The following COL26A1 variants were observed in gnomAD, a reference collection of about 807,000 sequenced individuals.
The protein encoded by COL26A1 is collagen alpha-1(XXVI) chain.
Under a neutral mutation model 59.3 loss-of-function variants are expected in COL26A1, and 41 were observed. The observed-to-expected ratio is 0.69, with a 90% CI of 0.54 to 0.90. COL26A1 has a LOEUF of 0.90. Ranked by LOEUF, COL26A1 falls within the 40% of genes least tolerant of loss-of-function variation. The pLI is 0.00. For missense variants in COL26A1, 612 were observed against 602.3 expected (o/e 1.02, Z -0.17); for synonymous variants, 266 against 256.0 (o/e 1.04, Z -0.37).
At chr7:101,449,089 C>T (rs552292815) in intron 3 of COL26A1, among the ~76,000 whole-genome samples, 8 of 152,320 alleles carry the variant, frequency 5.3e-5, no homozygotes, top group Admixed American at 3.9e-4. Context: ...GTGCCTGATG[C>T]TGGCAGGGGA....
chr7:101,363,028 G>T lies in COL26A1; in HGVS notation c.-5G>T. The T allele has an allele frequency of 6.4e-7, 1 of 1,573,786 alleles. No homozygotes were observed. The highest frequency in any genetic ancestry group is 8.6e-7 in the Non-Finnish European group (1 of 1,169,552). ...ACTCCGGGTCCCCGCGGGCTGCTGC[G>T]CACGATGAAGCTGGCCCTGCTCCTG... On this transcript the variant is annotated 5_prime_UTR_variant, in exon 1 of 13. Transcript: ENST00000313669.
intron 1 of COL26A1, among the ~76,000 whole-genome samples, chr7:101,387,774 A>ATTTTTTTT (rs1185449488): frequency 2.0e-5 from 1 of 48,902 alleles, no homozygotes; most frequent in Non-Finnish European, 4.1e-5. Context: ...ATATATATAT[A>ATTTTTTTT]TATATTTTTT....
upstream of COL26A1, chr7:101,362,795 C>A: frequency 1.9e-6 from 1 of 532,132 alleles, no homozygotes; most frequent in Non-Finnish European, 3.3e-6. Flanking sequence ...CGAGGGTTAA[C>A]AAAAAAGCCC....
At chr7:101,552,609 C>T (rs956010861) in intron 10 of COL26A1, among the ~76,000 whole-genome samples, 1 of 151,772 alleles carries the variant, frequency 6.6e-6, no homozygotes, top group African/African-American at 2.4e-5. Flanking sequence ...AGAGCAAGAC[C>T]CTGTCTCAAA....
intron 3 of COL26A1, among the ~76,000 whole-genome samples, chr7:101,522,622 T>C (rs1376150739): frequency 6.6e-6 from 1 of 152,112 alleles, no homozygotes; most frequent in Non-Finnish European, 1.5e-5. Context: ...GATGCTGAAG[T>C]TTATTATATC....
chr7:101,426,142 T>C (rs1329643760), intron 2 of COL26A1, among the ~76,000 whole-genome samples: 1 of 152,072 alleles, frequency 6.6e-6, no homozygotes, highest in Non-Finnish European at 1.5e-5. Context: ...TTTTTTAGCA[T>C]AGTTTTTCAG....
At chr7:101,398,628 G>T (rs1344997982) in intron 1 of COL26A1, among the ~76,000 whole-genome samples, 1 of 152,064 alleles carries the variant, frequency 6.6e-6, no homozygotes, top group Admixed American at 6.6e-5. Flanking sequence ...GTGTGCTTCC[G>T]TGAGCCAGAC....
chr7:101,397,554 TG>T (rs1791890524), intron 1 of COL26A1, among the ~76,000 whole-genome samples: 1 of 147,026 alleles, frequency 6.8e-6, no homozygotes. Flanking sequence ...TTTTTTTTTT[TG>T]AGACAGGGTC....
At chr7:101,376,596 C>T (rs1354646569) in intron 1 of COL26A1, among the ~76,000 whole-genome samples, 1 of 152,120 alleles carries the variant, frequency 6.6e-6, no homozygotes, top group African/African-American at 2.4e-5. Context: ...GCTGAGCCCA[C>T]CCTTGCTGCT....
intron 1 of COL26A1, among the ~76,000 whole-genome samples, chr7:101,400,353 ATTTTTTTTTTTTTT>A (rs574852983): frequency 1.0e-5 from 1 of 97,256 alleles, no homozygotes; most frequent in Admixed American, 1.2e-4. Context: ...TTTTTTTCCT[ATTTTTTTTTTTTTT>A]TTTTTTTTTT....
chr7:101,545,677 C>T (rs773568906), intron 7 of COL26A1, among the ~76,000 whole-genome samples, 187 bp downstream of exon 7: 2 of 152,204 alleles, frequency 1.3e-5, no homozygotes, highest in Admixed American at 6.5e-5. Flanking sequence ...CTGCCAGTGA[C>T]GATGACAGGG....
At chr7:101,530,698 C>T (rs1005576622) in intron 3 of COL26A1, among the ~76,000 whole-genome samples, 1 of 151,468 alleles carries the variant, frequency 6.6e-6, no homozygotes, top group Non-Finnish European at 1.5e-5. Flanking sequence ...TCCCAAATGT[C>T]AGCGTCGGTG....
At chr7:101,503,651 G>A (rs539444563) in intron 3 of COL26A1, among the ~76,000 whole-genome samples, 1 of 152,352 alleles carries the variant, frequency 6.6e-6, no homozygotes, top group East Asian at 1.9e-4. Context: ...CAAAGTGCTG[G>A]GATTACAGGC....
intron 11 of COL26A1, among the ~76,000 whole-genome samples, chr7:101,553,795 G>T (rs781620817): frequency 6.6e-6 from 1 of 152,206 alleles, no homozygotes; most frequent in Non-Finnish European, 1.5e-5. Context: ...GACTGAAGGG[G>T]ACAGGGCTGC....
chr7:101,513,502 T>A (rs1584476780), intron 3 of COL26A1, among the ~76,000 whole-genome samples: 1 of 151,384 alleles, frequency 6.6e-6, no homozygotes, highest in East Asian at 1.9e-4. Flanking sequence ...AATTTTTGTA[T>A]TTTTGTATTT....
At chr7:101,385,250 T>TACACAC (rs1268606163) in intron 1 of COL26A1, among the ~76,000 whole-genome samples, 20 of 147,818 alleles carry the variant, frequency 1.4e-4, no homozygotes, top group East Asian at 4.0e-4. Context: ...TATATATATA[T>TACACAC]ACACACACAC....
At chr7:101,507,204 C>T (rs1197261666) in intron 3 of COL26A1, among the ~76,000 whole-genome samples, 2 of 152,154 alleles carry the variant, frequency 1.3e-5, no homozygotes, top group East Asian at 3.9e-4. Flanking sequence ...TGTGAGCCAC[C>T]GCGCCCGGCT....
chr7:101,466,257 T>G (rs1479390010), intron 3 of COL26A1, among the ~76,000 whole-genome samples: 3 of 152,116 alleles, frequency 2.0e-5, no homozygotes, highest in Non-Finnish European at 4.4e-5. Flanking sequence ...CAGCGATACC[T>G]GTCTTGCAGA....
At chr7:101,379,918 A>G (rs780031730) in intron 1 of COL26A1, among the ~76,000 whole-genome samples, 1 of 152,212 alleles carries the variant, frequency 6.6e-6, no homozygotes, top group Non-Finnish European at 1.5e-5. Context: ...AATAATCATA[A>G]AAATGGGCAA....
Sources: allele counts gnomAD v4.1 joint callset (sites outside exome capture counted in the v4.1 genomes callset), GRCh38; gene constraint gnomAD v4.1.1; transcripts MANE v1.5; gene names NCBI Gene and HGNC (gene_info 2026-07-23, HGNC 2026-07-21).